Variants in METTL15 observed in about 807,000 individuals in gnomAD.
METTL15 encodes the protein methyltransferase 15, mitochondrial 12S rRNA N4-cytidine.
A neutral mutation model predicts 38.3 loss-of-function variants in METTL15; 34 were observed. That is an observed-to-expected ratio of 0.89 (90% CI 0.68 to 1.18). The LOEUF (loss-of-function observed/expected upper bound fraction) is 1.18, where lower values mean the gene tolerates loss of function less well. Ranked by LOEUF, METTL15 falls within the 50% of genes most tolerant of loss-of-function variation. The pLI, the probability that METTL15 is intolerant of heterozygous loss-of-function variation, is 0.00. For synonymous variants in METTL15, 162 were observed against 170.9 expected, an observed-to-expected ratio of 0.95 and a Z score of 0.41; for missense variants, 438 against 498.4, an observed-to-expected ratio of 0.88 and a Z score of 1.15.
At chr11:28,225,071 C>T (rs1295863101) in intron 4 of METTL15, among the ~76,000 whole-genome samples, 1 of 151,572 alleles carries the variant, frequency 6.6e-6, no homozygotes, top group Non-Finnish European at 1.5e-5. Context: ...TGATTAACCA[C>T]CATCATGTAA....
chr11:28,297,018 T>C, intron 6 of METTL15, 87 bp downstream of exon 6: 2 of 1,315,590 alleles, frequency 1.5e-6, no homozygotes, highest in Non-Finnish European at 2.2e-6. Context: ...CGCATGCACA[T>C]GTGTGTGTGC....
At chr11:28,433,510 T>A (rs1161861480) in intron 6 of METTL15, among the ~76,000 whole-genome samples, 3 of 152,176 alleles carry the variant, frequency 2.0e-5, no homozygotes, top group Non-Finnish European at 4.4e-5. Context: ...ATAATATCAG[T>A]TCCTGTTTTC....
intron 5 of METTL15, among the ~76,000 whole-genome samples, chr11:28,392,599 G>C (rs982656626): frequency 1.1e-4 from 16 of 152,072 alleles, no homozygotes; most frequent in African/African-American, 3.9e-4. Context: ...GGATTTTGCA[G>C]TGATTTATTG....
intron 3 of METTL15, among the ~76,000 whole-genome samples, chr11:28,142,658 GA>G (rs1162257218): frequency 6.6e-6 from 1 of 152,130 alleles, no homozygotes; most frequent in African/African-American, 2.4e-5. Context: ...AGGATGTATG[GA>G]AAAAGATGAA....
At chr11:28,477,746 G>A (rs551337581) in intron 6 of METTL15, among the ~76,000 whole-genome samples, 11 of 152,236 alleles carry the variant, frequency 7.2e-5, no homozygotes, top group South Asian at 2.1e-4. Flanking sequence ...TCTTGAGGCC[G>A]TTATCAACTT....
intron 4 of METTL15, among the ~76,000 whole-genome samples, chr11:28,257,476 T>C (rs1245939842): frequency 6.6e-6 from 1 of 152,238 alleles, no homozygotes; most frequent in Non-Finnish European, 1.5e-5. Context: ...GAATAAACTT[T>C]CTATCCTTAT....
chr11:28,310,097 A>G (rs1857223451), intron 6 of METTL15, among the ~76,000 whole-genome samples: 1 of 152,180 alleles, frequency 6.6e-6, no homozygotes, highest in African/African-American at 2.4e-5. Flanking sequence ...ACCTATGTTT[A>G]TACCACTTTA....
chr11:28,332,246 A>G lies in METTL15; in HGVS notation c.*1405A>G, dbSNP rs1356351875. ...AATTAGGAAAAAAATCTGGAGAACAATATGGTTGAAATAGAAACAAGAGAA... is the reference window on the plus strand; with the variant it reads ...AATTAGGAAAAAAATCTGGAGAACAGTATGGTTGAAATAGAAACAAGAGAA... On this transcript the variant is annotated 3_prime_UTR_variant, in exon 7 of 7. Coordinates refer to ENST00000407364, the MANE Select transcript of METTL15 (RefSeq NM_001113528.2). 1 of 152,210 alleles carries G rather than the reference A, an allele frequency of 6.6e-6. No homozygotes were observed. The highest frequency in any genetic ancestry group is 1.5e-5 in the Non-Finnish European group (1 of 68,024). The allele number at this position is 152,210 out of a possible 1,614,324, so 9.4% of individuals were successfully genotyped here. A position where few individuals can be genotyped will look rare whatever the true frequency, so the allele number is the denominator to read the frequency against.
downstream of METTL15, among the ~76,000 whole-genome samples, chr11:28,338,478 C>T (rs140828494): frequency 3.9e-3 from 586 of 152,184 alleles, 6 homozygotes; most frequent in African/African-American, 0.013. Context: ...ATTGCGTCCT[C>T]CAAAATCAGT....
At chr11:28,242,663 C>T (rs1211953306) in intron 4 of METTL15, among the ~76,000 whole-genome samples, 1 of 151,984 alleles carries the variant, frequency 6.6e-6, no homozygotes, top group Non-Finnish European at 1.5e-5. Context: ...GTTTCTATAT[C>T]TATTTTAATT....
intron 4 of METTL15, among the ~76,000 whole-genome samples, chr11:28,246,449 T>C (rs906145261): frequency 2.6e-5 from 4 of 152,116 alleles, no homozygotes; most frequent in Admixed American, 6.6e-5. Flanking sequence ...TTGGGGGTCA[T>C]GTGAAAATAT....
intron 6 of METTL15, among the ~76,000 whole-genome samples, chr11:28,497,495 C>T (rs950683821): frequency 6.6e-6 from 1 of 152,294 alleles, no homozygotes; most frequent in Admixed American, 6.5e-5. Context: ...ATATGTGTCT[C>T]CTTGGCTTAT....
In METTL15 at chr11:28,289,942, A is replaced by G. The variant is rs755595736; in HGVS notation, c.408-264A>G. On this transcript the variant is annotated intron_variant, in intron 4 of 6. Transcript: ENST00000407364. ...TTTGACATAGGAATTTTTCTAACTT[A>G]TGAATATATTGTATCCCTTCACAAA... Among the ~76,000 whole-genome samples the G allele has an allele frequency of 2.6e-5, 4 of 152,276 alleles. No individual in the cohort carries two copies. In the South Asian group the frequency reaches 6.2e-4, roughly 24 times the overall value.
chr11:28,377,334 T>A (rs1049616573), intron 5 of METTL15, among the ~76,000 whole-genome samples: 2 of 152,122 alleles, frequency 1.3e-5, no homozygotes, highest in Non-Finnish European at 2.9e-5. Flanking sequence ...CATAGTCCCA[T>A]ATTTCTTGGA....
chr11:28,131,832 A>C (rs937534833), intron 3 of METTL15, among the ~76,000 whole-genome samples: 4 of 152,202 alleles, frequency 2.6e-5, no homozygotes, highest in African/African-American at 9.6e-5. Flanking sequence ...ATAAATCGGA[A>C]GTATTACTTT....
At chr11:28,384,042 T>C (rs1385147107) in intron 5 of METTL15, among the ~76,000 whole-genome samples, 2 of 152,162 alleles carry the variant, frequency 1.3e-5, no homozygotes, top group Non-Finnish European at 2.9e-5. Flanking sequence ...CTCCCACTTA[T>C]AAGTGAGAAC....
intron 4 of METTL15, among the ~76,000 whole-genome samples, chr11:28,218,595 G>A (rs1051425857): frequency 6.8e-4 from 104 of 152,254 alleles, no homozygotes; most frequent in African/African-American, 2.3e-3. Flanking sequence ...CCAACACTGT[G>A]TTGAATAGGA....
At chr11:28,470,131 G>A (rs550739482) in intron 6 of METTL15, among the ~76,000 whole-genome samples, 1 of 152,126 alleles carries the variant, frequency 6.6e-6, no homozygotes, top group South Asian at 2.1e-4. Flanking sequence ...TAATGTTCAA[G>A]GGAAAAACAA....
At chr11:28,430,275 T>TG (rs1284667488) in intron 6 of METTL15, among the ~76,000 whole-genome samples, 14 of 97,058 alleles carry the variant, frequency 1.4e-4, no homozygotes, top group South Asian at 3.7e-4. Context: ...GGGAGGGAGG[T>TG]GGGGGGTCAG....
Sources: gnomAD v4.1 joint callset for allele counts (sites outside exome capture counted in the v4.1 genomes callset) on GRCh38, gnomAD v4.1.1 for gene constraint, MANE v1.5 for transcripts, NCBI Gene and HGNC (gene_info 2026-07-23, HGNC 2026-07-21) for gene names.